Variants in GDPD5 observed in about 807,000 individuals in gnomAD.
GDPD5 encodes the protein glycerophosphodiester phosphodiesterase 2.
Under a neutral mutation model 75.1 loss-of-function variants are expected in GDPD5, and 48 were observed. That is an observed-to-expected ratio of 0.64 (90% confidence interval 0.51 to 0.81). The LOEUF is 0.81. Ranked by LOEUF, GDPD5 falls within the 40% of genes least tolerant of loss-of-function variation. The pLI is 0.00. For missense variants in GDPD5, 706 were observed against 822.6 expected, an observed-to-expected ratio of 0.86 and a Z score of 1.73; for synonymous variants, 336 against 339.0, an observed-to-expected ratio of 0.99 and a Z score of 0.10.
chr11:75,441,498 A>T, intron 13 of GDPD5, 148 bp downstream of exon 13: 1 of 1,120,700 alleles, frequency 8.9e-7, no homozygotes, highest in Non-Finnish European at 1.3e-6. Flanking sequence ...TTGTCTTTGA[A>T]CCATGTGTGC....
At position 75,525,796 on chromosome 11, in the gene GDPD5, C is replaced by T. The variant is rs1941645016; in HGVS notation, c.-731G>A. The T allele has an allele frequency of 6.6e-6, 1 of 151,274 alleles. No individual in the cohort carries two copies. Among genetic ancestry groups the T allele is most frequent in the African/African-American group, 2.4e-5 (1 of 41,338 alleles). The allele number at this position is 151,274 out of a possible 1,614,324, so 9.4% of individuals were successfully genotyped here. A position where few individuals can be genotyped will look rare whatever the true frequency, so the allele number is the denominator to read the frequency against. ...CTGCAAAACGGGGCGAACCTCGGCG[C>T]GGCGGCCGACTCCCGAGCTCCCGGC... On this transcript the variant is annotated 5_prime_UTR_variant, in exon 1 of 17. Transcript: ENST00000336898.
chr11:75,482,610 C>T (rs1949943697), intron 2 of GDPD5, among the ~76,000 whole-genome samples: 1 of 152,220 alleles, frequency 6.6e-6, no homozygotes, highest in African/African-American at 2.4e-5. Flanking sequence ...TCAGCCCCAT[C>T]CCTCCAATCC....
At chr11:75,521,849 C>G (rs1188295047) in intron 1 of GDPD5, among the ~76,000 whole-genome samples, 1 of 152,044 alleles carries the variant, frequency 6.6e-6, no homozygotes, top group Non-Finnish European at 1.5e-5. Flanking sequence ...GTTTAGGAGA[C>G]AGTGCAGAGC....
At chr11:75,471,889 CTT>C (rs1435286874) in intron 3 of GDPD5, among the ~76,000 whole-genome samples, 7 of 152,156 alleles carry the variant, frequency 4.6e-5, no homozygotes, top group Non-Finnish European at 7.4e-5. Context: ...CTCTCTCTCT[CTT>C]GTGGATGTAA....
In GDPD5 at chr11:75,439,871, C is replaced by T. The variant is rs749424530; in HGVS notation, c.1556+8G>A. 5 of 1,611,890 alleles carry T rather than the reference C, an allele frequency of 3.1e-6. No individual in the cohort carries two copies. In the South Asian group the frequency reaches 5.5e-5, roughly 18 times the overall value. On this transcript the variant is annotated splice_region_variant and intron_variant, in intron 15 of 16. Transcript: ENST00000336898. ...GGACAGCCACGGAAGTGGTCAGATCCTACTCACTTCTGGAGCACGAAGATG... is the reference window on the plus strand; with the variant it reads ...GGACAGCCACGGAAGTGGTCAGATCTTACTCACTTCTGGAGCACGAAGATG...
intron 1 of GDPD5, among the ~76,000 whole-genome samples, chr11:75,498,210 C>T (rs574568685): frequency 1.3e-5 from 2 of 152,226 alleles, no homozygotes; most frequent in South Asian, 2.1e-4. Flanking sequence ...GAGGGCTAAC[C>T]CAGGCTGACA....
At chr11:75,508,456 G>A (rs1211421876) in intron 1 of GDPD5, 2 of 152,154 alleles carry the variant, frequency 1.3e-5, no homozygotes, top group Non-Finnish European at 2.9e-5. Flanking sequence ...ATCTTAAAAT[G>A]AGGCCAGCTA....
chr11:75,446,165 T>C (rs1484689002), intron 9 of GDPD5, among the ~76,000 whole-genome samples: 3 of 152,228 alleles, frequency 2.0e-5, no homozygotes, highest in Admixed American at 2.0e-4. Flanking sequence ...GGGCTGGGGC[T>C]GCAGAAGGCA....
intron 1 of GDPD5, among the ~76,000 whole-genome samples, chr11:75,512,761 C>A (rs1950552008): frequency 6.6e-6 from 1 of 151,432 alleles, no homozygotes; most frequent in Admixed American, 6.6e-5. Context: ...ACTAAAAATA[C>A]AAAATTAGCT....
intron 2 of GDPD5, chr11:75,479,464 C>G (rs900852591): frequency 3.3e-5 from 5 of 152,104 alleles, no homozygotes; most frequent in Non-Finnish European, 7.3e-5. Flanking sequence ...CAAGTGCTTT[C>G]CATGCAGAAA....
intron 1 of GDPD5, among the ~76,000 whole-genome samples, chr11:75,518,274 G>T (rs899445719): frequency 6.6e-6 from 1 of 152,226 alleles, no homozygotes; most frequent in African/African-American, 2.4e-5. Context: ...TGGAACCCAG[G>T]TTAACTGGAT....
intron 1 of GDPD5, among the ~76,000 whole-genome samples, chr11:75,493,162 C>G (rs898758014): frequency 2.6e-5 from 4 of 151,574 alleles, no homozygotes; most frequent in African/African-American, 9.7e-5. Context: ...TGATAGAGAA[C>G]TCTTTATTGG....
At chr11:75,463,352 C>G (rs1204854606) in intron 3 of GDPD5, among the ~76,000 whole-genome samples, 1 of 152,158 alleles carries the variant, frequency 6.6e-6, no homozygotes, top group Non-Finnish European at 1.5e-5. Flanking sequence ...CCAGGTCACA[C>G]AGCAAGTTAG....
At chr11:75,449,701 GCAACCC>G in intron 7 of GDPD5, 91 bp from the exon 8 acceptor site, 1 of 1,404,820 alleles carries the variant, frequency 7.1e-7, no homozygotes, top group Non-Finnish European at 9.9e-7. Flanking sequence ...TATGAGGCAG[GCAACCC>G]TGTCTCCATC....
At chr11:75,470,569 C>T (rs1042159054) in intron 3 of GDPD5, among the ~76,000 whole-genome samples, 17 of 152,088 alleles carry the variant, frequency 1.1e-4, no homozygotes, top group African/African-American at 3.9e-4. Context: ...ATGGATGTCA[C>T]GTGTGCGGAG....
intron 1 of GDPD5, chr11:75,508,098 C>A (rs893989569): frequency 6.6e-6 from 1 of 152,166 alleles, no homozygotes; most frequent in African/African-American, 2.4e-5. Flanking sequence ...CGTCACCTGG[C>A]TAATATGACA....
intron 1 of GDPD5, among the ~76,000 whole-genome samples, chr11:75,520,797 G>A (rs570997486): frequency 4.6e-5 from 7 of 152,346 alleles, no homozygotes; most frequent in Non-Finnish European, 8.8e-5. Context: ...GGAGAAGCTG[G>A]CTGCCCTGCC....
chr11:75,456,136 CG>C (rs1242544994), intron 6 of GDPD5, among the ~76,000 whole-genome samples: 2 of 152,028 alleles, frequency 1.3e-5, no homozygotes, highest in Non-Finnish European at 2.9e-5. Flanking sequence ...AAGTGCTAAA[CG>C]GGGGAAGGAG....
chr11:75,453,261 G>A (rs1382603017), intron 6 of GDPD5, among the ~76,000 whole-genome samples: 1 of 152,050 alleles, frequency 6.6e-6, no homozygotes, highest in Non-Finnish European at 1.5e-5. Flanking sequence ...ACCCTGTCCT[G>A]AGCATCTCTG....
Sources: allele counts gnomAD v4.1 joint callset (sites outside exome capture counted in the v4.1 genomes callset), GRCh38; gene constraint gnomAD v4.1.1; transcripts MANE v1.5; gene names NCBI Gene and HGNC (gene_info 2026-07-23, HGNC 2026-07-21).